Variants in TIAM2 observed in about 807,000 individuals in gnomAD.
The protein encoded by TIAM2 is rho guanine nucleotide exchange factor TIAM2.
TIAM2 carries 80 observed loss-of-function variants against 152.9 expected under a neutral mutation model. That is an observed-to-expected ratio of 0.52 (90% CI 0.44 to 0.63). The LOEUF is 0.63. Among genes scored for constraint, TIAM2 ranks in the 30% least tolerant of loss-of-function variants. TIAM2 has a pLI of 0.00. For missense variants in TIAM2, 1,965 were observed against 2,120.1 expected, an observed-to-expected ratio of 0.93 and a Z score of 1.44; for synonymous variants, 804 against 838.0, an observed-to-expected ratio of 0.96 and a Z score of 0.70.
At chr6:155,244,198 G>T in intron 17 of TIAM2, 119 bp downstream of exon 17, 1 of 982,350 alleles carries the variant, frequency 1.0e-6, no homozygotes, top group South Asian at 1.5e-5. Flanking sequence ...AAGACTTAAC[G>T]GTCTTCTGAG....
rs1295724703 is a variant in TIAM2 at position 155,132,045 on chromosome 6, A to C, written c.1194+1628A>C. The stretch of plus-strand genomic sequence containing the variant: ...CATGTAAAGTTTTACTGGGGGAGCA[A>C]AGTGGCTTATCCACCAGGAAGAAAA... On this transcript the variant is annotated intron_variant, in intron 4 of 26. Transcript: ENST00000682666. Among the ~76,000 whole-genome samples the C allele has an allele frequency of 2.6e-5, 4 of 151,806 alleles. No homozygotes were observed. The East Asian group carries it at 7.7e-4, about 29-fold the overall frequency.
At chr6:155,075,907 T>C (rs532234190) in intron 1 of TIAM2, among the ~76,000 whole-genome samples, 1 of 152,344 alleles carries the variant, frequency 6.6e-6, no homozygotes, top group East Asian at 1.9e-4. Flanking sequence ...CTTACACTTA[T>C]TCATATGACA....
chr6:155,061,283 C>T (rs1490760437), intron 1 of TIAM2, among the ~76,000 whole-genome samples: 1 of 149,516 alleles, frequency 6.7e-6, no homozygotes, highest in Non-Finnish European at 1.5e-5. Context: ...TCTATCTGTA[C>T]ATATATATAT....
chr6:155,129,647 G>A lies in TIAM2; in HGVS notation c.424G>A (p.Gly142Arg), dbSNP rs756072856. Reference protein sequence around the residue: ...DCNGHLLNCYGRNESIASTPP... With the variant: ...DCNGHLLNCYRRNESIASTPP... ...CAACGGACACCTTCTCAACTGCTAC[G>A]GGAGGAATGAGAGCATTGCCTCCAC... The change falls in exon 4 of 27, where the codon GGG becomes AGG. Residue 142 changes from glycine (G) to arginine (R), a missense_variant. This residue lies in a region of TIAM2 where 1,025 missense variants were observed against 1,119.4 expected (regional missense o/e 0.92). Coordinates refer to ENST00000682666, the MANE Select transcript of TIAM2 (RefSeq NM_012454.4). This position sits in a 1 kb window ranked among gnomAD's most constrained non-coding sequence, Gnocchi z 4.8. The A allele has an allele frequency of 1.6e-5, 26 of 1,613,920 alleles. No individual in the cohort carries two copies. Among genetic ancestry groups the A allele is most frequent in the Admixed American group, 1.0e-4 (6 of 59,992 alleles).
chr6:155,074,999 G>T (rs1327613808), intron 1 of TIAM2, among the ~76,000 whole-genome samples: 2 of 152,084 alleles, frequency 1.3e-5, no homozygotes, highest in Admixed American at 6.6e-5. Context: ...TGCAATTCTG[G>T]ATAAGTCTGG....
chr6:155,179,248 A>G lies in TIAM2; in HGVS notation c.2628+105A>G, dbSNP rs904772023. 2.8e-6 allele frequency: 4 copies of G among 1,431,782 alleles called. No individual in the cohort carries two copies. The African/African-American group carries it at 4.3e-5, about 15-fold the overall frequency. The allele number at this position is 1,431,782 out of a possible 1,614,324, so 88.7% of individuals were successfully genotyped here. A position where few individuals can be genotyped will look rare whatever the true frequency, so the allele number is the denominator to read the frequency against. On this transcript the variant is annotated intron_variant, in intron 11 of 26. Coordinates refer to ENST00000682666, the MANE Select transcript of TIAM2 (RefSeq NM_012454.4). ...AAAATTCTGTTTAAATTTGGCGTCTAGTTTGGAAACAGTCTCTATATAAAC... is the reference window on the plus strand; with the variant it reads ...AAAATTCTGTTTAAATTTGGCGTCTGGTTTGGAAACAGTCTCTATATAAAC...
At chr6:155,029,426 C>G (rs1473667956) in intron 1 of TIAM2, among the ~76,000 whole-genome samples, 1 of 8,288 alleles carries the variant, frequency 1.2e-4, no homozygotes, top group African/African-American at 3.9e-4. Flanking sequence ...ACTATATATA[C>G]TATAGTATAT....
At position 155,182,470 on chromosome 6, in the gene TIAM2, G is replaced by A. The variant is rs752627685; in HGVS notation, c.2800+152G>A. The A allele has an allele frequency of 6.1e-5, 42 of 685,984 alleles. 1 individual carries two copies. The highest frequency in any genetic ancestry group is 8.0e-5 in the Non-Finnish European group (33 of 412,926). The allele number at this position is 685,984 out of a possible 1,614,324, so 42.5% of individuals were successfully genotyped here. A position where few individuals can be genotyped will look rare whatever the true frequency, so the allele number is the denominator to read the frequency against. The stretch of plus-strand genomic sequence containing the variant: ...AACGTAAGAGTTTAATTGGAAATGC[G>A]ACCAAACACAGCGGCTCGCTCGCAT... On this transcript the variant is annotated intron_variant, in intron 13 of 26. Coordinates refer to ENST00000682666, the MANE Select transcript of TIAM2 (RefSeq NM_012454.4).
At chr6:155,007,136 C>T (rs1003718451) in intron 1 of TIAM2, among the ~76,000 whole-genome samples, 7 of 152,158 alleles carry the variant, frequency 4.6e-5, no homozygotes, top group African/African-American at 1.2e-4. Context: ...GTAAGACTTG[C>T]GCTTGTAGGG....
chr6:155,068,853 G>T (rs1202354026), intron 1 of TIAM2, among the ~76,000 whole-genome samples: 2 of 152,034 alleles, frequency 1.3e-5, no homozygotes, highest in Non-Finnish European at 2.9e-5. Context: ...CCTTCTTCAG[G>T]AAATGCTGAG....
Position 155,137,360 on chromosome 6 carries a change from G to A in TIAM2, c.1378G>A (p.Glu460Lys). Residue 460 changes from glutamate (E) to lysine (K), a missense_variant, in exon 5 of 27, where the codon GAG becomes AAG. This residue lies in a region of TIAM2 where 1,025 missense variants were observed against 1,119.4 expected (regional missense o/e 0.92). Coordinates refer to ENST00000682666, the MANE Select transcript of TIAM2 (RefSeq NM_012454.4). The part of the protein sequence containing the change: ...GSDPLRQNIY[E>K]NFMRELEMSR... ...CGATCCCCTCCGGCAGAACATTTAT[G>A]AGAATTTCATGCGAGAGTTGGAAAT... 6.2e-7 allele frequency: 1 copy of A among 1,614,228 alleles called. No individual in the cohort carries two copies. Among genetic ancestry groups the A allele is most frequent in the Non-Finnish European group, 8.5e-7 (1 of 1,180,046 alleles).
chr6:155,004,362 G>C (rs1379549807), intron 1 of TIAM2, among the ~76,000 whole-genome samples: 1 of 152,104 alleles, frequency 6.6e-6, no homozygotes, highest in Non-Finnish European at 1.5e-5. Flanking sequence ...CTAATCCTTG[G>C]AGTTCACCCC....
intron 2 of TIAM2, among the ~76,000 whole-genome samples, chr6:155,103,902 G>A (rs537461214): frequency 6.6e-6 from 1 of 151,738 alleles, no homozygotes; most frequent in South Asian, 2.1e-4. Flanking sequence ...AATGTGGAAG[G>A]CTTTCATTTA....
intron 1 of TIAM2, among the ~76,000 whole-genome samples, chr6:155,020,723 A>C (rs13205417): frequency 0.13 from 20,338 of 152,152 alleles, 1,528 homozygotes; most frequent in East Asian, 0.29. Context: ...TCGGCCTCCC[A>C]AAGTGCTGGG....
At chr6:155,056,452 G>A (rs1166162012) in intron 1 of TIAM2, among the ~76,000 whole-genome samples, 2 of 151,992 alleles carry the variant, frequency 1.3e-5, no homozygotes, top group Non-Finnish European at 2.9e-5. Flanking sequence ...GATTACAGGC[G>A]TGAGCCACCG....
Position 155,044,039 on chromosome 6 carries a change from A to C in TIAM2, c.-208-46250A>C, listed in dbSNP as rs78370267. ...TCTTGTGGATATTGGCCAAAACATGAATATGTTACAGTAAATGTGAAGCTT... is the reference window on the plus strand; with the variant it reads ...TCTTGTGGATATTGGCCAAAACATGCATATGTTACAGTAAATGTGAAGCTT... On this transcript the variant is annotated intron_variant, in intron 1 of 26. Transcript: ENST00000682666. Among the ~76,000 whole-genome samples, 1,031 of 152,290 alleles carry C rather than the reference A, an allele frequency of 6.8e-3. 7 individuals are homozygous for C. The highest frequency in any genetic ancestry group is 0.01 in the Non-Finnish European group (705 of 68,014).
At chr6:155,068,177 T>C (rs1233810568) in intron 1 of TIAM2, among the ~76,000 whole-genome samples, 2 of 152,188 alleles carry the variant, frequency 1.3e-5, no homozygotes, top group Non-Finnish European at 2.9e-5. Flanking sequence ...TCTTGCCCTA[T>C]TGCTGGGCCC....
At position 155,129,782 on chromosome 6, in the gene TIAM2, C is replaced by T; in HGVS notation, c.559C>T (p.Pro187Ser). 1 of 1,613,758 alleles carries T rather than the reference C, an allele frequency of 6.2e-7. No homozygotes were observed. Among genetic ancestry groups the T allele is most frequent in the Admixed American group, 1.7e-5 (1 of 60,028 alleles). The change falls in exon 4 of 27, where the codon CCT becomes TCT. Residue 187 changes from proline (P) to serine (S), a missense_variant. Physicochemically the swap from Pro to Ser is moderately conservative, Grantham distance 74. Around this residue, in one of 3 missense-constraint regions of TIAM2, gnomAD observed 1,025 missense variants for 1,119.4 expected, o/e 0.92. Coordinates refer to ENST00000682666, the MANE Select transcript of TIAM2 (RefSeq NM_012454.4). The surrounding 1 kb of genome is among the most constrained non-coding windows in gnomAD (Gnocchi z 4.8). Reference protein sequence around the residue: ...FHNGGNPSKVPAEDCSEPVQL... With the variant: ...FHNGGNPSKVSAEDCSEPVQL... ...CAATGGTGGCAACCCCAGCAAAGTGCCTGCAGAGGACTGCAGTGAGCCGGT... is the reference window on the plus strand; with the variant it reads ...CAATGGTGGCAACCCCAGCAAAGTGTCTGCAGAGGACTGCAGTGAGCCGGT...
chr6:155,091,225 C>T (rs1778296603), intron 2 of TIAM2, among the ~76,000 whole-genome samples: 1 of 152,164 alleles, frequency 6.6e-6, no homozygotes, highest in Non-Finnish European at 1.5e-5. Flanking sequence ...GCCACGCTCT[C>T]TTAGTTGCCT....
Sources: allele counts gnomAD v4.1 joint callset (sites outside exome capture counted in the v4.1 genomes callset), GRCh38; gene constraint gnomAD v4.1.1; regional missense constraint gnomAD v4.1.1; non-coding constraint Gnocchi (gnomAD v3.1); transcripts MANE v1.5; gene names NCBI Gene and HGNC (gene_info 2026-07-23, HGNC 2026-07-21).